RTN4RL1: variants seen among roughly 807,000 people sequenced by gnomAD.
RTN4RL1 encodes reticulon 4 receptor like 1, also known as reticulon-4 receptor-like 1.
In RTN4RL1, 7 loss-of-function variants were observed where a neutral mutation model predicts 25.6. The ratio of observed to expected loss-of-function variants is 0.27; its 90% CI spans 0.16 to 0.51. The LOEUF (loss-of-function observed/expected upper bound fraction) is 0.51, where lower values mean the gene tolerates loss of function less well. Among genes scored for constraint, RTN4RL1 ranks in the 20% least tolerant of loss-of-function variants. RTN4RL1 has a pLI of 0.97. For synonymous variants in RTN4RL1, 297 were observed against 288.2 expected (o/e 1.03, Z -0.31); for missense variants, 500 against 615.6 (o/e 0.81, Z 1.99).
chr17:1,976,760 C>T (rs2066844257), intron 1 of RTN4RL1, among the ~76,000 whole-genome samples: 1 of 152,194 alleles, frequency 6.6e-6, no homozygotes, highest in South Asian at 2.1e-4. Flanking sequence ...GTGACACTGT[C>T]CAGAGACAGC....
At chr17:1,964,992 T>C (rs62069180) in intron 1 of RTN4RL1, among the ~76,000 whole-genome samples, 33,292 of 151,034 alleles carry the variant, frequency 0.22, 4,052 homozygotes, top group Middle Eastern at 0.29. Flanking sequence ...TTTCACCATA[T>C]TGGTCAGGCT....
chr17:1,936,388 A>G lies in RTN4RL1; in HGVS notation c.*108T>C, dbSNP rs1915303944. 9.6e-6 allele frequency: 14 copies of G among 1,451,016 alleles called. No homozygotes were observed. The highest frequency in any genetic ancestry group is 1.3e-5 in the Non-Finnish European group (14 of 1,108,254). The allele number at this position is 1,451,016 out of a possible 1,614,324, so 89.9% of individuals were successfully genotyped here. On this transcript the variant is annotated 3_prime_UTR_variant, in exon 2 of 2. Coordinates refer to ENST00000331238, the MANE Select transcript of RTN4RL1 (RefSeq NM_178568.4). ...CCAGACAGCAGCCGAAGGCTCTACC[A>G]GCCTTTTCCTGAAACCCAGCAGATC...
intron 1 of RTN4RL1, among the ~76,000 whole-genome samples, chr17:1,972,225 T>C (rs565840836): frequency 6.6e-6 from 1 of 151,832 alleles, no homozygotes; most frequent in African/African-American, 2.4e-5. Context: ...GAGAGTGGCT[T>C]GAACCCAGGA....
At chr17:2,021,638 T>C (rs2067204817) in intron 1 of RTN4RL1, among the ~76,000 whole-genome samples, 1 of 134,648 alleles carries the variant, frequency 7.4e-6, no homozygotes. Context: ...CACTGTAACC[T>C]CCGCCTCCCG....
chr17:1,946,975 GAA>G (rs1915567732), intron 1 of RTN4RL1, among the ~76,000 whole-genome samples: 2 of 146,466 alleles, frequency 1.4e-5, no homozygotes, highest in African/African-American at 2.6e-5. Flanking sequence ...GTCTCTGTGT[GAA>G]TGTGTGTGCA....
intron 1 of RTN4RL1, among the ~76,000 whole-genome samples, chr17:1,966,631 G>A (rs1044575865): frequency 6.6e-6 from 1 of 152,082 alleles, no homozygotes; most frequent in African/African-American, 2.4e-5. Flanking sequence ...TGTCTGTGTG[G>A]CCCGAAGTTC....
chr17:1,975,365 G>C (rs909051898), intron 1 of RTN4RL1, among the ~76,000 whole-genome samples: 1 of 152,066 alleles, frequency 6.6e-6, no homozygotes, highest in African/African-American at 2.4e-5. Flanking sequence ...GAAAACTTTG[G>C]GGGGACCAGA....
At chr17:1,940,743 C>T (rs535010967) in intron 1 of RTN4RL1, among the ~76,000 whole-genome samples, 2 of 152,168 alleles carry the variant, frequency 1.3e-5, no homozygotes, top group Non-Finnish European at 2.9e-5. Context: ...CACCCCTCCT[C>T]GGGCTGCTAC....
intron 1 of RTN4RL1, among the ~76,000 whole-genome samples, chr17:1,956,895 C>T (rs1454099791): frequency 3.3e-5 from 5 of 152,128 alleles, no homozygotes; most frequent in African/African-American, 9.7e-5. Flanking sequence ...AGGCGTCCAC[C>T]ACCACGCCCG....
rs557609267 is a variant in RTN4RL1, at chr17:2,022,186, T to G, written c.13+2667A>C. On this transcript the variant is annotated intron_variant, in intron 1 of 1. Coordinates refer to ENST00000331238, the MANE Select transcript of RTN4RL1 (RefSeq NM_178568.4). ...AAAAAATGAGTCAAGCATGGTGGCG[T>G]GCACCTGTAGTCCTAGCTACTTGGG... Among the ~76,000 whole-genome samples the G allele has an allele frequency of 7.2e-5, 11 of 152,088 alleles. No individual in the cohort carries two copies. The South Asian group carries it at 8.3e-4, about 12-fold the overall frequency.
chr17:1,963,019 C>T (rs1219580517), intron 1 of RTN4RL1, among the ~76,000 whole-genome samples: 1 of 151,934 alleles, frequency 6.6e-6, no homozygotes, highest in African/African-American at 2.4e-5. Flanking sequence ...CTCACTGCAA[C>T]CTCGAACTCC....
chr17:2,004,304 C>A (rs58785874), intron 1 of RTN4RL1, among the ~76,000 whole-genome samples: 1,438 of 126,934 alleles, frequency 0.011, 20 homozygotes, highest in African/African-American at 0.041. Flanking sequence ...GGAGGCGGAA[C>A]TTGGAGTGAG....
chr17:1,955,963 C>T (rs1567508694), intron 1 of RTN4RL1, among the ~76,000 whole-genome samples: 1 of 152,044 alleles, frequency 6.6e-6, no homozygotes. Context: ...GTCCCATTAC[C>T]CTTGACAACC....
At chr17:1,956,024 A>C (rs1915786119) in intron 1 of RTN4RL1, among the ~76,000 whole-genome samples, 1 of 152,050 alleles carries the variant, frequency 6.6e-6, no homozygotes, top group African/African-American at 2.4e-5. Flanking sequence ...TTTTATATGG[A>C]GCTATATAAA....
At chr17:1,997,448 G>C (rs1182307823) in intron 1 of RTN4RL1, among the ~76,000 whole-genome samples, 1 of 152,108 alleles carries the variant, frequency 6.6e-6, no homozygotes, top group African/African-American at 2.4e-5. Context: ...TGAAATCATC[G>C]CATGTGTTTA....
At chr17:1,999,785 G>A (rs2066948527) in intron 1 of RTN4RL1, among the ~76,000 whole-genome samples, 1 of 152,234 alleles carries the variant, frequency 6.6e-6, no homozygotes, top group Non-Finnish European at 1.5e-5. Flanking sequence ...AGGCATTGCT[G>A]GAAAAGGAAC....
chr17:1,976,082 TTCTTTC>T (rs1304832970), intron 1 of RTN4RL1, among the ~76,000 whole-genome samples: 1 of 152,240 alleles, frequency 6.6e-6, no homozygotes, highest in African/African-American at 2.4e-5. Context: ...TGCACCCTTG[TTCTTTC>T]TCTTTCAGGT....
At chr17:1,946,684 C>G (rs1358816052) in intron 1 of RTN4RL1, among the ~76,000 whole-genome samples, 2 of 126,076 alleles carry the variant, frequency 1.6e-5, no homozygotes, top group Non-Finnish European at 3.2e-5. Flanking sequence ...GTGTGCATCT[C>G]TGTGAATGTG....
chr17:2,000,518 TTTTA>T (rs543798954), intron 1 of RTN4RL1, among the ~76,000 whole-genome samples: 25 of 151,814 alleles, frequency 1.6e-4, no homozygotes, highest in Non-Finnish European at 2.6e-4. Flanking sequence ...AATTTTAGTA[TTTTA>T]TTTATTTATT....
Sources: gnomAD v4.1 joint callset for allele counts (sites outside exome capture counted in the v4.1 genomes callset) on GRCh38, gnomAD v4.1.1 for gene constraint, MANE v1.5 for transcripts, NCBI Gene and HGNC (gene_info 2026-07-23, HGNC 2026-07-21) for gene names.